The following ADAMTS12 variants were observed in gnomAD, a reference collection of about 807,000 sequenced individuals.
ADAMTS12 encodes A disintegrin and metalloproteinase with thrombospondin motifs 12.
ADAMTS12 carries 118 observed loss-of-function variants against 167.8 expected under a neutral mutation model. The ratio of observed to expected loss-of-function variants is 0.70; its 90% CI spans 0.61 to 0.82. The LOEUF (loss-of-function observed/expected upper bound fraction) is 0.82, where lower values mean the gene tolerates loss of function less well. ADAMTS12 is among the 40% of genes least tolerant of loss of function. ADAMTS12 has a pLI of 0.00. For missense variants in ADAMTS12, 1,916 were observed against 1,998.8 expected (o/e 0.96, Z 0.79); for synonymous variants, 704 against 716.9 (o/e 0.98, Z 0.29).
intron 2 of ADAMTS12, among the ~76,000 whole-genome samples, chr5:33,778,775 G>A (rs928511362): frequency 6.6e-6 from 1 of 152,038 alleles, no homozygotes; most frequent in African/African-American, 2.4e-5. Context: ...TCAGATATCC[G>A]ATAAGGGGTA....
chr5:33,537,338 A>G (rs905923149), intron 22 of ADAMTS12, among the ~76,000 whole-genome samples: 1 of 152,244 alleles, frequency 6.6e-6, no homozygotes, highest in Admixed American at 6.5e-5. Context: ...TAGAGAGTTA[A>G]GGTAAATGCA....
At chr5:33,884,878 T>A (rs1198773742) in intron 1 of ADAMTS12, among the ~76,000 whole-genome samples, 1 of 152,226 alleles carries the variant, frequency 6.6e-6, no homozygotes, top group Non-Finnish European at 1.5e-5. Context: ...AAAATAAGCA[T>A]CTTTTCTAGC....
At chr5:33,885,447 C>T (rs1227844111) in intron 1 of ADAMTS12, among the ~76,000 whole-genome samples, 1 of 151,716 alleles carries the variant, frequency 6.6e-6, no homozygotes, top group Non-Finnish European at 1.5e-5. Flanking sequence ...CCAGCCTGGG[C>T]AACAGAGTAA....
At chr5:33,670,289 A>G (rs768935131) in intron 5 of ADAMTS12, among the ~76,000 whole-genome samples, 4 of 152,234 alleles carry the variant, frequency 2.6e-5, no homozygotes, top group Non-Finnish European at 4.4e-5. Context: ...TAAAACCACA[A>G]TGATATATTA....
intron 3 of ADAMTS12, among the ~76,000 whole-genome samples, chr5:33,716,179 G>C (rs1207791696): frequency 6.6e-6 from 1 of 152,098 alleles, no homozygotes; most frequent in Non-Finnish European, 1.5e-5. Context: ...AGAGGCCTGA[G>C]AGAGCTTGTT....
intron 18 of ADAMTS12, among the ~76,000 whole-genome samples, chr5:33,584,080 G>A (rs1055369932): frequency 6.6e-5 from 10 of 152,156 alleles, no homozygotes; most frequent in African/African-American, 2.2e-4. Flanking sequence ...TGCTGCCTGC[G>A]TTCAAATCCT....
chr5:33,715,054 C>T (rs1302510122), intron 3 of ADAMTS12, among the ~76,000 whole-genome samples: 1 of 152,050 alleles, frequency 6.6e-6, no homozygotes, highest in Non-Finnish European at 1.5e-5. Context: ...CAAAATATCA[C>T]ATGTACCTCA....
At chr5:33,546,037 A>C (rs1054530106) in intron 22 of ADAMTS12, 22 bp downstream of exon 22, 1 of 1,577,590 alleles carries the variant, frequency 6.3e-7, no homozygotes, top group Non-Finnish European at 8.6e-7. Flanking sequence ...AAGTAAAAAA[A>C]GTATGTATAA....
chr5:33,707,588 C>T (rs1477334002), intron 3 of ADAMTS12, among the ~76,000 whole-genome samples: 1 of 152,154 alleles, frequency 6.6e-6, no homozygotes, highest in East Asian at 1.9e-4. Context: ...CAGCATGGCA[C>T]TGGTACCAAA....
At chr5:33,621,741 T>A (rs1739339732) in intron 14 of ADAMTS12, among the ~76,000 whole-genome samples, 3 of 152,224 alleles carry the variant, frequency 2.0e-5, no homozygotes. Flanking sequence ...TGGAGGCTCC[T>A]GGGAAATGCT....
At chr5:33,891,203 A>T (rs1418865948) in intron 1 of ADAMTS12, among the ~76,000 whole-genome samples, 1 of 152,168 alleles carries the variant, frequency 6.6e-6, no homozygotes, top group Non-Finnish European at 1.5e-5. Context: ...TAGTTCCCCC[A>T]AAAGGACTAT....
intron 20 of ADAMTS12, among the ~76,000 whole-genome samples, chr5:33,559,267 C>T (rs1745625388): frequency 6.6e-6 from 1 of 152,212 alleles, no homozygotes; most frequent in South Asian, 2.1e-4. Context: ...GGAGAGAAGA[C>T]AGGGGCCTAC....
intron 3 of ADAMTS12, among the ~76,000 whole-genome samples, chr5:33,742,872 A>G (rs1303177557): frequency 6.6e-6 from 1 of 152,246 alleles, no homozygotes; most frequent in African/African-American, 2.4e-5. Context: ...TGGATTGAGC[A>G]TATTTCTGGT....
chr5:33,646,496 G>A (rs1740668652), intron 9 of ADAMTS12, among the ~76,000 whole-genome samples: 1 of 152,160 alleles, frequency 6.6e-6, no homozygotes, highest in African/African-American at 2.4e-5. Context: ...TTTAACTCTA[G>A]AAGGAGTGGT....
chr5:33,595,478 C>T (rs748119374), intron 17 of ADAMTS12, among the ~76,000 whole-genome samples: 2 of 152,204 alleles, frequency 1.3e-5, no homozygotes, highest in Admixed American at 6.5e-5. Flanking sequence ...GCCAGCCCCA[C>T]GTGCCAGTAA....
intron 16 of ADAMTS12, among the ~76,000 whole-genome samples, chr5:33,598,938 T>C (rs939271479): frequency 3.9e-5 from 6 of 152,168 alleles, no homozygotes; most frequent in Admixed American, 6.5e-5. Context: ...TGCATCTGTG[T>C]CTCAATCTCG....
At chr5:33,736,173 C>T (rs1744367991) in intron 3 of ADAMTS12, among the ~76,000 whole-genome samples, 1 of 151,914 alleles carries the variant, frequency 6.6e-6, no homozygotes, top group South Asian at 2.1e-4. Flanking sequence ...AGCAATTCTC[C>T]TGCCTCAGCC....
intron 5 of ADAMTS12, among the ~76,000 whole-genome samples, chr5:33,665,817 G>A (rs975107576): frequency 1.3e-5 from 2 of 152,132 alleles, no homozygotes; most frequent in Non-Finnish European, 2.9e-5. Flanking sequence ...TCCCACCATC[G>A]ATCCCTCTGC....
At chr5:33,614,109 C>A (rs374697620) in intron 16 of ADAMTS12, 129 bp downstream of exon 16, 3 of 1,293,192 alleles carry the variant, frequency 2.3e-6, no homozygotes, top group African/African-American at 3.0e-5. Flanking sequence ...TCCGCAGAGG[C>A]CCCTGGCCAT....
Sources: gnomAD v4.1 joint callset for allele counts (sites outside exome capture counted in the v4.1 genomes callset) on GRCh38, gnomAD v4.1.1 for gene constraint, MANE v1.5 for transcripts, NCBI Gene and HGNC (gene_info 2026-07-23, HGNC 2026-07-21) for gene names.